Variants in LVRN observed in about 807,000 individuals in gnomAD.
LVRN encodes laeverin, also known as aminopeptidase Q.
In LVRN, 99 loss-of-function variants were observed where a neutral mutation model predicts 111.4. That is an observed-to-expected ratio of 0.89 (90% CI 0.76 to 1.05). LVRN has a LOEUF of 1.05. Ranked by LOEUF, LVRN falls within the 50% of genes least tolerant of loss-of-function variation. The probability of loss-of-function intolerance (pLI) is 0.00; values close to 1 mark genes in which losing one functional copy is unlikely to be tolerated. For missense variants in LVRN, 1,414 were observed against 1,206.8 expected (o/e 1.17, Z -2.54); for synonymous variants, 488 against 449.5 (o/e 1.09, Z -1.08).
At chr5:116,018,446 G>C (rs1183384493) in intron 18 of LVRN, among the ~76,000 whole-genome samples, 1 of 152,152 alleles carries the variant, frequency 6.6e-6, no homozygotes. Flanking sequence ...GCTGAGGCAG[G>C]CAGATCACCT....
chr5:115,996,204 T>C (rs991497922), intron 6 of LVRN, among the ~76,000 whole-genome samples: 1 of 152,216 alleles, frequency 6.6e-6, no homozygotes, highest in Admixed American at 6.5e-5. Flanking sequence ...AAATTTACTC[T>C]ATTTTCTTAA....
rs531140557 is a variant in LVRN, at chr5:115,971,312, A to G, written c.695+8000A>G. ...TGTATTCTTTTAATAGTGTCTTTCA[A>G]AGAGCAGAAGTTTTACATTTTAATG... On this transcript the variant is annotated intron_variant, in intron 1 of 19. Transcript: ENST00000357872. Among the ~76,000 whole-genome samples, 33 of 152,310 alleles carry G rather than the reference A, an allele frequency of 2.2e-4. 1 individual carries two copies. Among genetic ancestry groups the G allele is most frequent in the African/African-American group, 7.9e-4 (33 of 41,572 alleles).
At position 115,962,531 on chromosome 5, in the gene LVRN, G is replaced by A; in HGVS notation, c.-87G>A. On this transcript the variant is annotated 5_prime_UTR_variant, in exon 1 of 20. Transcript: ENST00000357872. ...CACGATACAAGAGAGGAGGGGCAGG[G>A]GTCGCAGCACTGAACACCCTGGCCG... The A allele has an allele frequency of 8.4e-7, 1 of 1,192,746 alleles. No homozygotes were observed. Among genetic ancestry groups the A allele is most frequent in the Non-Finnish European group, 1.2e-6 (1 of 835,014 alleles). 73.9% of individuals were successfully genotyped at this position (1,192,746 alleles called of 1,614,324 possible).
chr5:115,984,583 A>G lies in LVRN; in HGVS notation c.852A>G (p.Lys284=), dbSNP rs1489631023. The change falls in exon 3 of 20, where the codon AAA becomes AAG. Residue 284 remains lysine (K), a synonymous_variant. Coordinates refer to ENST00000357872, the MANE Select transcript of LVRN (RefSeq NM_173800.5). ...AAAATTCTCTAGGTCAGTCTGAAAA[A>G]GAAGATGTGAATGGAAGCAAATGGA... is the stretch of plus-strand genomic sequence containing the variant. ...SNMPKLGQSE[K]EDVNGSKWTV... The G allele has an allele frequency of 3.1e-6, 5 of 1,613,498 alleles. No homozygotes were observed. The East Asian group carries it at 8.9e-5, about 29-fold the overall frequency.
intron 12 of LVRN, among the ~76,000 whole-genome samples, chr5:116,004,304 G>C (rs1172702780): frequency 3.9e-5 from 6 of 152,176 alleles, no homozygotes. Context: ...ATTTTAACTG[G>C]ATTAAACTAA....
rs2112602253 is a variant in LVRN at position 116,000,495 on chromosome 5, C to G, written c.1578C>G (p.Leu526=). 5 of 1,614,094 alleles carry G rather than the reference C, an allele frequency of 3.1e-6. No individual in the cohort carries two copies. The highest frequency in any genetic ancestry group is 3.4e-6 in the Non-Finnish European group (4 of 1,179,974). Residue 526 remains leucine (L), a synonymous_variant, in exon 8 of 20, where the codon CTC becomes CTG. Transcript: ENST00000357872. ...FLNEHLFVSA[L]KSYLKTFSYS... Reference sequence around the variant, plus strand: ...ATGAGCATTTATTTGTCAGTGCACTCAAGGTGAGTTTGCAAAATAGTCGTT... The same window carrying G: ...ATGAGCATTTATTTGTCAGTGCACTGAAGGTGAGTTTGCAAAATAGTCGTT...
At chr5:115,971,284 C>T (rs200820012) in intron 1 of LVRN, among the ~76,000 whole-genome samples, 10 of 151,958 alleles carry the variant, frequency 6.6e-5, no homozygotes, top group East Asian at 1.9e-4. Flanking sequence ...TGTGGCTTGT[C>T]TTTGTATTCT....
chr5:116,017,548 G>T (rs1748627505), intron 18 of LVRN, among the ~76,000 whole-genome samples: 1 of 152,134 alleles, frequency 6.6e-6, no homozygotes, highest in Non-Finnish European at 1.5e-5. Flanking sequence ...TTTATTTATT[G>T]TGTTTAGTTT....
intron 1 of LVRN, chr5:115,974,440 G>A (rs1364268190): frequency 6.6e-6 from 1 of 152,218 alleles, no homozygotes; most frequent in Non-Finnish European, 1.5e-5. Context: ...TATGAAAGCA[G>A]GCATTTGAAA....
At chr5:115,974,931 G>A (rs1446295628) in intron 1 of LVRN, 3 of 469,248 alleles carry the variant, frequency 6.4e-6, no homozygotes, top group South Asian at 5.0e-5. Context: ...CCAAGTATTA[G>A]GTCACTTGAT....
intron 4 of LVRN, among the ~76,000 whole-genome samples, chr5:115,989,890 C>T (rs996194202): frequency 6.6e-6 from 1 of 152,120 alleles, no homozygotes; most frequent in Non-Finnish European, 1.5e-5. Context: ...ATTGCTTTAA[C>T]TCTTTGCTGA....
intron 11 of LVRN, 127 bp from the exon 12 acceptor site, chr5:116,003,114 A>C: frequency 1.0e-6 from 1 of 970,206 alleles, no homozygotes; most frequent in Non-Finnish European, 1.5e-6. Context: ...AGAGCAATAT[A>C]TATTTTAGAA....
chr5:115,974,418 C>T (rs944344411), intron 1 of LVRN: 1 of 152,202 alleles, frequency 6.6e-6, no homozygotes, highest in African/African-American at 2.4e-5. Flanking sequence ...TAAACACTAA[C>T]AAAACCTAGT....
chr5:116,011,190 G>T (rs1474721075), intron 14 of LVRN, among the ~76,000 whole-genome samples: 3 of 144,042 alleles, frequency 2.1e-5, no homozygotes, highest in East Asian at 2.0e-4. Context: ...TGGTATGCCT[G>T]TTTTTTTTTT....
At chr5:116,002,069 A>C (rs942540916) in intron 10 of LVRN, among the ~76,000 whole-genome samples, 4 of 152,120 alleles carry the variant, frequency 2.6e-5, no homozygotes, top group Non-Finnish European at 5.9e-5. Context: ...AGATAGTTCT[A>C]CTCTTTCTTT....
intron 18 of LVRN, 71 bp from the exon 19 acceptor site, chr5:116,022,320 C>T: frequency 9.6e-7 from 1 of 1,039,218 alleles, no homozygotes. Context: ...TGACCTTCAT[C>T]TGCTATATAA....
rs2112600846 is a variant in LVRN, at chr5:115,999,916, G to T, written c.1515+14G>T. Reference sequence around the variant, plus strand: ...ACTTACAGCAAGGTAAAAGCAGTTAGAAATTTCCTTTGGTTTTGTACTCTG... The same window carrying T: ...ACTTACAGCAAGGTAAAAGCAGTTATAAATTTCCTTTGGTTTTGTACTCTG... On this transcript the variant is annotated intron_variant, in intron 7 of 19. Coordinates refer to ENST00000357872, the MANE Select transcript of LVRN (RefSeq NM_173800.5). 2 of 1,599,760 alleles carry T rather than the reference G, an allele frequency of 1.3e-6. No individual in the cohort carries two copies. Among genetic ancestry groups the T allele is most frequent in the Middle Eastern group, 1.7e-4 (1 of 5,954 alleles).
At chr5:116,016,029 C>T (rs1203187669) in intron 18 of LVRN, among the ~76,000 whole-genome samples, 1 of 152,152 alleles carries the variant, frequency 6.6e-6, no homozygotes, top group Non-Finnish European at 1.5e-5. Context: ...AAAACAGTTG[C>T]CTATTCTACT....
intron 19 of LVRN, among the ~76,000 whole-genome samples, chr5:116,024,042 A>T (rs1470693742): frequency 6.6e-6 from 1 of 152,222 alleles, no homozygotes; most frequent in Non-Finnish European, 1.5e-5. Flanking sequence ...ATTCTGGGTA[A>T]TGCAAATGGA....
Sources: gnomAD v4.1 joint callset for allele counts (sites outside exome capture counted in the v4.1 genomes callset) on GRCh38, gnomAD v4.1.1 for gene constraint, MANE v1.5 for transcripts, NCBI Gene and HGNC (gene_info 2026-07-23, HGNC 2026-07-21) for gene names.